AGBL1: variants seen among roughly 807,000 people sequenced by gnomAD.
AGBL1 encodes AGBL carboxypeptidase 1.
A neutral mutation model predicts 118.9 loss-of-function variants in AGBL1; 130 were observed. The ratio of observed to expected loss-of-function variants is 1.09; its 90% CI spans 0.95 to 1.26. The LOEUF is 1.26. AGBL1 is among the 50% of genes most tolerant of loss of function. The pLI is 0.00. For missense variants in AGBL1, 1,584 were observed against 1,298.1 expected (o/e 1.22, Z -3.38); for synonymous variants, 555 against 478.9 (o/e 1.16, Z -2.08).
intron 5 of AGBL1, among the ~76,000 whole-genome samples, chr15:86,205,556 G>A (rs566869862): frequency 3.9e-5 from 6 of 152,298 alleles, no homozygotes; most frequent in Non-Finnish European, 7.4e-5. Flanking sequence ...GGTTGTTACC[G>A]TTTTGCATTC....
In AGBL1 at chr15:86,142,047, T is replaced by G. The variant is rs1190512916; in HGVS notation, c.95T>G (p.Leu32Arg). ...KESILTILKV[L>R]GDLLSVGTDR... ...TCCATCCTGACCATCCTCAAGGTCC[T>G]CGGAGATCTGCTTTCTGTTGGTGAG... Residue 32 changes from leucine (L) to arginine (R), a missense_variant, in exon 2 of 23, where the codon CTC becomes CGC. By Grantham distance (102) the Leu-to-Arg change is moderately radical. Transcript: ENST00000614907. 6.5e-7 allele frequency: 1 copy of G among 1,550,302 alleles called. No homozygotes were observed. Among genetic ancestry groups the G allele is most frequent in the African/African-American group, 1.4e-5 (1 of 73,176 alleles).
chr15:86,912,093 T>G lies in AGBL1; in HGVS notation c.*4799T>G, dbSNP rs925304456. The G allele has an allele frequency of 2.6e-5, 4 of 152,176 alleles. No homozygotes were observed. Among genetic ancestry groups the G allele is most frequent in the African/African-American group, 7.2e-5 (3 of 41,424 alleles). The allele number at this position is 152,176 out of a possible 1,614,324, so 9.4% of individuals were successfully genotyped here. On this transcript the variant is annotated 3_prime_UTR_variant, in exon 23 of 23. Transcript: ENST00000614907. Reference sequence around the variant, plus strand: ...TCAATGAAATCTCACTTATTTTCCTTAAATCCCTCCGTTTTCCATCTCAAA... The same window carrying G: ...TCAATGAAATCTCACTTATTTTCCTGAAATCCCTCCGTTTTCCATCTCAAA...
intron 22 of AGBL1, among the ~76,000 whole-genome samples, chr15:86,715,890 T>C (rs527471886): frequency 1.3e-5 from 2 of 151,764 alleles, no homozygotes; most frequent in East Asian, 1.9e-4. Context: ...AACCCCATCT[T>C]TACTAAAAAA....
At chr15:86,095,236 T>A (rs889324662) in intron 1 of AGBL1, among the ~76,000 whole-genome samples, 2 of 152,022 alleles carry the variant, frequency 1.3e-5, no homozygotes, top group Non-Finnish European at 2.9e-5. Flanking sequence ...TCATTTAAGG[T>A]TTTTATGTAG....
intron 22 of AGBL1, among the ~76,000 whole-genome samples, chr15:86,880,196 A>G (rs915468225): frequency 6.6e-5 from 10 of 152,182 alleles, no homozygotes; most frequent in African/African-American, 2.4e-4. Context: ...GGTACCAATA[A>G]AGGCTTTCCT....
Position 86,833,327 on chromosome 15 carries a change from A to G in AGBL1, c.3159-73760A>G, listed in dbSNP as rs149660936. 3.9e-3 allele frequency among the ~76,000 whole-genome samples: 590 copies of G among 152,140 alleles called. 20 individuals are homozygous for G. The East Asian group carries it at 0.076, about 20-fold the overall frequency. ...CCACCCAAATCTCAACTTGAATTGT[A>G]CCTCCCAGAATTCCCACGTGTTGTG... On this transcript the variant is annotated intron_variant, in intron 22 of 22. Coordinates refer to ENST00000614907, the MANE Select transcript of AGBL1 (RefSeq NM_001386094.1).
chr15:86,746,809 T>G (rs992927448), intron 22 of AGBL1, among the ~76,000 whole-genome samples: 1 of 152,058 alleles, frequency 6.6e-6, no homozygotes, highest in Non-Finnish European at 1.5e-5. Flanking sequence ...GAAACACATG[T>G]AACTATGCAA....
chr15:86,718,562 G>A (rs79401557), intron 22 of AGBL1, among the ~76,000 whole-genome samples: 1,673 of 152,268 alleles, frequency 0.011, 42 homozygotes, highest in African/African-American at 0.037. Context: ...CTGTGTTGAT[G>A]GAGAAGCAAG....
intron 23 of AGBL1, among the ~76,000 whole-genome samples, chr15:86,986,907 A>G (rs556602874): frequency 6.6e-6 from 1 of 152,220 alleles, no homozygotes; most frequent in South Asian, 2.1e-4. Context: ...GAGTCAGCCA[A>G]AGGAGATATG....
chr15:86,348,447 T>C (rs2080573541), intron 17 of AGBL1, among the ~76,000 whole-genome samples: 1 of 152,210 alleles, frequency 6.6e-6, no homozygotes, highest in South Asian at 2.1e-4. Flanking sequence ...CTTTTGGCAA[T>C]GTCTGGAGAC....
chr15:86,597,182 A>G lies in AGBL1; in HGVS notation c.2994+42645A>G, dbSNP rs564658174. On this transcript the variant is annotated intron_variant, in intron 21 of 22. Transcript: ENST00000614907. ...ATCCATCCATCCATCCATCTCTCTTATCTAGCTAGCTAGCCAGCTATCCAT... is the reference window on the plus strand; with the variant it reads ...ATCCATCCATCCATCCATCTCTCTTGTCTAGCTAGCTAGCCAGCTATCCAT... Among the ~76,000 whole-genome samples the G allele has an allele frequency of 7.2e-5, 10 of 139,510 alleles. 1 individual carries two copies. Among genetic ancestry groups the G allele is most frequent in the African/African-American group, 2.9e-4 (10 of 34,708 alleles). 91.5% of individuals were successfully genotyped at this position (139,510 alleles called of 152,430 possible).
At chr15:86,235,540 A>G (rs1408371844) in intron 6 of AGBL1, among the ~76,000 whole-genome samples, 15 of 152,204 alleles carry the variant, frequency 9.9e-5, no homozygotes. Context: ...AAATATAAAC[A>G]TTTCATGACT....
intron 22 of AGBL1, among the ~76,000 whole-genome samples, chr15:86,819,936 A>C (rs1322503124): frequency 6.6e-6 from 1 of 152,198 alleles, no homozygotes; most frequent in Admixed American, 6.5e-5. Context: ...ACTGGTACCA[A>C]AACAGATATA....
chr15:86,631,525 C>T (rs1212413515), intron 21 of AGBL1, among the ~76,000 whole-genome samples: 2 of 152,168 alleles, frequency 1.3e-5, no homozygotes, highest in Non-Finnish European at 2.9e-5. Flanking sequence ...TTCTAAAATA[C>T]ATGTTTCTGA....
At chr15:86,962,737 A>G (rs1265053680) in intron 23 of AGBL1, among the ~76,000 whole-genome samples, 1 of 152,086 alleles carries the variant, frequency 6.6e-6, no homozygotes, top group Non-Finnish European at 1.5e-5. Flanking sequence ...TATTCAAAAT[A>G]TGGTTCTTGG....
chr15:86,470,861 G>A (rs569980446), intron 18 of AGBL1, among the ~76,000 whole-genome samples: 12 of 152,010 alleles, frequency 7.9e-5, no homozygotes, highest in Admixed American at 5.9e-4. Context: ...ACTGATTTTT[G>A]TGTGCTAATT....
intron 5 of AGBL1, among the ~76,000 whole-genome samples, chr15:86,176,681 G>T (rs1253154094): frequency 6.6e-6 from 1 of 152,184 alleles, no homozygotes; most frequent in Non-Finnish European, 1.5e-5. Context: ...GATATCATCT[G>T]GTGGGGCCTG....
intron 17 of AGBL1, among the ~76,000 whole-genome samples, chr15:86,391,979 CTCT>C (rs1374689854): frequency 3.3e-5 from 5 of 151,834 alleles, no homozygotes; most frequent in Non-Finnish European, 7.4e-5. Context: ...ATTTTTTTTA[CTCT>C]TCTTCTCCTG....
At chr15:86,488,654 C>T (rs891201597) in intron 18 of AGBL1, among the ~76,000 whole-genome samples, 2 of 152,046 alleles carry the variant, frequency 1.3e-5, no homozygotes, top group Non-Finnish European at 2.9e-5. Flanking sequence ...CCCTGCCTCC[C>T]CTCTTCTACG....
Sources: gnomAD v4.1 joint callset for allele counts (sites outside exome capture counted in the v4.1 genomes callset) on GRCh38, gnomAD v4.1.1 for gene constraint, MANE v1.5 for transcripts, NCBI Gene and HGNC (gene_info 2026-07-23, HGNC 2026-07-21) for gene names.